The following SBNO1 variants were observed in gnomAD, a reference collection of about 807,000 sequenced individuals.
The protein encoded by SBNO1 is protein strawberry notch homolog 1.
Under a neutral mutation model 173.6 loss-of-function variants are expected in SBNO1, and 23 were observed. The observed-to-expected ratio is 0.13, with a 90% CI of 0.10 to 0.19. SBNO1 has a LOEUF of 0.19. SBNO1 is among the 10% of genes least tolerant of loss of function. The pLI is 1.00. For missense variants in SBNO1, 1,238 were observed against 1,671.2 expected (o/e 0.74, Z 4.52); for synonymous variants, 632 against 571.5 (o/e 1.11, Z -1.51).
chr12:123,353,768 T>C (rs1275755896), intron 1 of SBNO1, among the ~76,000 whole-genome samples: 1 of 152,238 alleles, frequency 6.6e-6, no homozygotes, highest in Admixed American at 6.6e-5. Flanking sequence ...AATAGGGTCT[T>C]GGCCCACTGG....
chr12:123,328,919 T>G, intron 9 of SBNO1, 24 bp from the exon 10 acceptor site: 1 of 1,369,734 alleles, frequency 7.3e-7, no homozygotes. Context: ...GAAAAGAATT[T>G]AGTTAATTAG....
chr12:123,341,740 C>G (rs1410288533), intron 4 of SBNO1, among the ~76,000 whole-genome samples: 1 of 151,714 alleles, frequency 6.6e-6, no homozygotes, highest in African/African-American at 2.4e-5. Flanking sequence ...GTTGGTCAGG[C>G]TGGTCTTGAA....
intron 5 of SBNO1, 130 bp from the exon 6 acceptor site, chr12:123,336,621 T>C: frequency 1.6e-6 from 1 of 609,160 alleles, no homozygotes. Flanking sequence ...ACCTCAATAC[T>C]CCCTAAAATC....
intron 21 of SBNO1, 49 bp downstream of exon 21, chr12:123,317,172 A>G: frequency 6.2e-7 from 1 of 1,603,088 alleles, no homozygotes; most frequent in Non-Finnish European, 8.5e-7. Context: ...AATTTACCCC[A>G]ATGATTCCTA....
At chr12:123,305,942 A>T (rs1446463662) in intron 28 of SBNO1, among the ~76,000 whole-genome samples, 1 of 152,226 alleles carries the variant, frequency 6.6e-6, no homozygotes, top group Non-Finnish European at 1.5e-5. Context: ...AGGAAAAAGA[A>T]AAGTTTCAAA....
At chr12:123,312,583 G>A (rs903686033) in intron 24 of SBNO1, among the ~76,000 whole-genome samples, 1 of 151,814 alleles carries the variant, frequency 6.6e-6, no homozygotes, top group African/African-American at 2.4e-5. Flanking sequence ...ATGGTGGCGG[G>A]CACCTGTAAT....
chr12:123,361,861 C>T (rs1049425720), intron 1 of SBNO1, among the ~76,000 whole-genome samples: 46 of 152,200 alleles, frequency 3.0e-4, no homozygotes, highest in Middle Eastern at 3.2e-3. Context: ...GATTCTGAGG[C>T]CAGGCGCGGT....
chr12:123,297,853 G>GTC, intron 31 of SBNO1, 125 bp downstream of exon 31: 1 of 800,632 alleles, frequency 1.2e-6, no homozygotes, highest in Non-Finnish European at 2.0e-6. Context: ...TATAAAACGG[G>GTC]TCCCATACCC....
chr12:123,322,046 TTGAC>T (rs1870038948), intron 16 of SBNO1, among the ~76,000 whole-genome samples: 1 of 152,218 alleles, frequency 6.6e-6, no homozygotes, highest in Admixed American at 6.5e-5. Context: ...TAGTCACAAT[TTGAC>T]TGTGTATCAG....
intron 23 of SBNO1, 67 bp downstream of exon 23, chr12:123,315,305 CT>C: frequency 7.9e-7 from 1 of 1,263,590 alleles, no homozygotes; most frequent in South Asian, 1.2e-5. Flanking sequence ...AACTACTTTC[CT>C]TTTGTGTTCC....
intron 24 of SBNO1, among the ~76,000 whole-genome samples, 189 bp downstream of exon 24, chr12:123,313,431 T>G (rs1003802437): frequency 5.3e-5 from 8 of 152,112 alleles, no homozygotes; most frequent in African/African-American, 1.4e-4. Context: ...CACTTTCATT[T>G]GAATAAAATT....
In SBNO1 at chr12:123,327,508, C is replaced by G. The variant is rs761206246; in HGVS notation, c.1610G>C (p.Ser537Thr). Reference protein sequence around the residue: ...LRGMYIARQLSFTGVTFKIEE... With the variant: ...LRGMYIARQLTFTGVTFKIEE... Reference sequence around the variant, plus strand: ...AATTTTGAAGGTCACTCCAGTAAAGCTCAGTTGTCGAGCAATGTACATTCC... The same window carrying G: ...AATTTTGAAGGTCACTCCAGTAAAGGTCAGTTGTCGAGCAATGTACATTCC... The change falls in exon 13 of 32, where the codon AGC becomes ACC. Residue 537 changes from serine to threonine, a missense_variant. This residue lies in a region of SBNO1 where 182 missense variants were observed against 339.9 expected (regional missense o/e 0.54). Coordinates refer to ENST00000602398, the MANE Select transcript of SBNO1 (RefSeq NM_001167856.3). The G allele has an allele frequency of 6.2e-7, 1 of 1,613,892 alleles. No individual in the cohort carries two copies. The highest frequency in any genetic ancestry group is 8.5e-7 in the Non-Finnish European group (1 of 1,179,824).
At chr12:123,355,484 A>G (rs1208366156) in intron 1 of SBNO1, among the ~76,000 whole-genome samples, 1 of 152,064 alleles carries the variant, frequency 6.6e-6, no homozygotes, top group Non-Finnish European at 1.5e-5. Flanking sequence ...GGCGCCTGTA[A>G]TCCCAGCTTC....
intron 4 of SBNO1, among the ~76,000 whole-genome samples, chr12:123,342,368 A>G (rs1407953401): frequency 6.6e-6 from 1 of 151,834 alleles, no homozygotes; most frequent in Non-Finnish European, 1.5e-5. Context: ...GGAGAATGGC[A>G]TGAAAACAGG....
chr12:123,360,056 G>A (rs755413068), intron 1 of SBNO1, among the ~76,000 whole-genome samples: 1 of 151,924 alleles, frequency 6.6e-6, no homozygotes, highest in Non-Finnish European at 1.5e-5. Flanking sequence ...CCTGGCCAAC[G>A]TGATGAAACC....
intron 29 of SBNO1, 70 bp from the exon 30 acceptor site, chr12:123,302,970 G>T: frequency 8.5e-7 from 1 of 1,170,516 alleles, no homozygotes; most frequent in Non-Finnish European, 1.3e-6. Flanking sequence ...AGTCTGGTCT[G>T]TAATTCTAGA....
rs142114507 is a variant in SBNO1 at position 123,293,808 on chromosome 12, G to A, written c.*2100C>T. ...CCTCATACACAGAAAAGAGGAGTTG[G>A]GCCAACAGCCTGCGAGAGAAGATCC... On this transcript the variant is annotated 3_prime_UTR_variant, in exon 32 of 32. Coordinates refer to ENST00000602398, the MANE Select transcript of SBNO1 (RefSeq NM_001167856.3). 2.0e-5 allele frequency: 3 copies of A among 152,220 alleles called. No individual in the cohort carries two copies. Among genetic ancestry groups the A allele is most frequent in the African/African-American group, 7.2e-5 (3 of 41,532 alleles). The allele number at this position is 152,220 out of a possible 1,614,324, so 9.4% of individuals were successfully genotyped here.
At chr12:123,335,815 A>T (rs1871773243) in intron 6 of SBNO1, among the ~76,000 whole-genome samples, 1 of 152,214 alleles carries the variant, frequency 6.6e-6, no homozygotes, top group Non-Finnish European at 1.5e-5. Flanking sequence ...GAATAAGAAA[A>T]ACAGAATTTC....
At chr12:123,358,742 C>CAAAAAAAAAA (rs1164585887) in intron 1 of SBNO1, among the ~76,000 whole-genome samples, 6 of 78,400 alleles carry the variant, frequency 7.7e-5, no homozygotes, top group African/African-American at 3.3e-4. Context: ...GACTCCGTCT[C>CAAAAAAAAAA]AAAAAAAAAA....
Sources: gnomAD v4.1 joint callset for allele counts (sites outside exome capture counted in the v4.1 genomes callset) on GRCh38, gnomAD v4.1.1 for gene constraint, gnomAD v4.1.1 regional missense constraint, MANE v1.5 for transcripts, NCBI Gene and HGNC (gene_info 2026-07-23, HGNC 2026-07-21) for gene names.